The following LARGE1 variants were observed in gnomAD, a reference collection of about 807,000 sequenced individuals.
LARGE1 encodes the protein xylosyl- and glucuronyltransferase LARGE1.
In LARGE1, 43 loss-of-function variants were observed where a neutral mutation model predicts 87.6. The ratio of observed to expected loss-of-function variants is 0.49; its 90% CI spans 0.38 to 0.63. The LOEUF (loss-of-function observed/expected upper bound fraction) is 0.63, where lower values mean the gene tolerates loss of function less well. Among genes scored for constraint, LARGE1 ranks in the 30% least tolerant of loss-of-function variants. The pLI, the probability that LARGE1 is intolerant of heterozygous loss-of-function variation, is 0.00. For synonymous variants in LARGE1, 434 were observed against 394.6 expected, an observed-to-expected ratio of 1.10 and a Z score of -1.18; for missense variants, 802 against 1,000.2, an observed-to-expected ratio of 0.80 and a Z score of 2.67.
chr22:33,443,688 G>T (rs1217136829), intron 6 of LARGE1, among the ~76,000 whole-genome samples: 1 of 152,142 alleles, frequency 6.6e-6, no homozygotes, highest in Non-Finnish European at 1.5e-5. Flanking sequence ...CAACCCCCAA[G>T]ATATCCCCAG....
the LARGE1 span, among the ~76,000 whole-genome samples, chr22:33,151,918 A>G: frequency 6.8e-6 from 1 of 147,586 alleles, no homozygotes; most frequent in African/African-American, 2.5e-5. Flanking sequence ...GTCTGATTTT[A>G]GTATTGGGCA....
the LARGE1 span, among the ~76,000 whole-genome samples, chr22:33,094,800 C>T: frequency 6.6e-6 from 1 of 152,218 alleles, no homozygotes; most frequent in Non-Finnish European, 1.5e-5. Context: ...CTCACTGCAA[C>T]CTCCACCTCC....
chr22:33,517,174 C>T (rs1458877820), intron 6 of LARGE1, among the ~76,000 whole-genome samples: 1 of 152,134 alleles, frequency 6.6e-6, no homozygotes, highest in African/African-American at 2.4e-5. Context: ...CAGAGCTATA[C>T]ACCTGAGCCA....
In LARGE1 at chr22:33,596,029, C is replaced by T. The variant is rs187003587; in HGVS notation, c.615+8406G>A. On this transcript the variant is annotated intron_variant, in intron 5 of 14. Coordinates refer to ENST00000397394, the MANE Select transcript of LARGE1 (RefSeq NM_133642.5). ...ATGATCTCTTATCTCTGGAAGTATT[C>T]AAAAGCAGAAGATTAATGACCATTT... Among the ~76,000 whole-genome samples the T allele has an allele frequency of 6.6e-5, 10 of 152,182 alleles. No individual in the cohort carries two copies. In the East Asian group the frequency reaches 1.4e-3, roughly 21 times the overall value.
At chr22:33,284,718 C>G (rs1487114336) in intron 12 of LARGE1, among the ~76,000 whole-genome samples, 4 of 152,152 alleles carry the variant, frequency 2.6e-5, no homozygotes, top group Non-Finnish European at 5.9e-5. Flanking sequence ...GCTGGGACTA[C>G]AGGCACATGC....
intron 1 of LARGE1, among the ~76,000 whole-genome samples, chr22:33,915,951 G>A (rs574834608): frequency 4.6e-5 from 7 of 152,068 alleles, no homozygotes; most frequent in Non-Finnish European, 1.0e-4. Context: ...CTCATCCCTT[G>A]AACAAGTCTG....
chr22:33,848,731 C>G (rs1408253720), intron 1 of LARGE1, among the ~76,000 whole-genome samples: 2 of 152,150 alleles, frequency 1.3e-5, no homozygotes, highest in Non-Finnish European at 1.5e-5. Context: ...GTTAATTACT[C>G]AAGACAAGAC....
At chr22:33,616,092 AAC>A (rs2079572237) in intron 4 of LARGE1, among the ~76,000 whole-genome samples, 1 of 152,244 alleles carries the variant, frequency 6.6e-6, no homozygotes, top group African/African-American at 2.4e-5. Context: ...TGGTAGGAGA[AAC>A]AGTTTGGCAA....
At chr22:33,649,557 T>C (rs1189374335) in intron 3 of LARGE1, among the ~76,000 whole-genome samples, 1 of 152,240 alleles carries the variant, frequency 6.6e-6, no homozygotes, top group Non-Finnish European at 1.5e-5. Flanking sequence ...TATTATTTCC[T>C]AAAGTTTACT....
intron 11 of LARGE1, among the ~76,000 whole-genome samples, chr22:33,177,879 G>A (rs573553989): frequency 6.6e-6 from 1 of 152,260 alleles, no homozygotes; most frequent in African/African-American, 2.4e-5. Flanking sequence ...ATTCCTTCAT[G>A]CTGTTCTCGT....
At chr22:33,125,666 C>T in the LARGE1 span, among the ~76,000 whole-genome samples, 7 of 152,276 alleles carry the variant, frequency 4.6e-5, no homozygotes, top group East Asian at 1.9e-4. Flanking sequence ...AAGATGATCT[C>T]GATCTCCTGA....
intron 5 of LARGE1, among the ~76,000 whole-genome samples, chr22:33,602,819 G>A (rs116040358): frequency 0.011 from 1,604 of 152,206 alleles, 26 homozygotes; most frequent in African/African-American, 0.037. Context: ...AGCACACTTC[G>A]GTGTCTTCTT....
chr22:33,245,778 G>A (rs1480460469), intron 11 of LARGE1, among the ~76,000 whole-genome samples: 2 of 152,072 alleles, frequency 1.3e-5, no homozygotes, highest in African/African-American at 4.8e-5. Context: ...GCGTGGTGGT[G>A]CATGCCTGTA....
Position 33,432,234 on chromosome 22 carries a change from C to G in LARGE1, c.819G>C (p.Gln273His). 1 of 1,614,194 alleles carries G rather than the reference C, an allele frequency of 6.2e-7. No homozygotes were observed. Among genetic ancestry groups the G allele is most frequent in the Non-Finnish European group, 8.5e-7 (1 of 1,180,020 alleles). ...ACAGGTTTCCAAGGTACCAGTCACT[C>G]TGGTTCTCCACCAAGCCCAGGACTT... ...GQQVLGLVEN[Q>H]SDWYLGNLWK... is the part of the protein sequence containing the mutation. Residue 273 changes from glutamine to histidine, a missense_variant, in exon 7 of 15, where the codon CAG (glutamine) becomes CAC (histidine). Coordinates refer to ENST00000397394, the MANE Select transcript of LARGE1 (RefSeq NM_133642.5).
At chr22:33,620,528 G>T (rs5994780) in intron 4 of LARGE1, among the ~76,000 whole-genome samples, 5 of 152,174 alleles carry the variant, frequency 3.3e-5, no homozygotes, top group African/African-American at 1.2e-4. Flanking sequence ...ACAAACCTTT[G>T]TCATTTATAA....
intron 2 of LARGE1, among the ~76,000 whole-genome samples, chr22:33,721,305 T>C (rs1371938926): frequency 6.6e-6 from 1 of 152,210 alleles, no homozygotes; most frequent in Non-Finnish European, 1.5e-5. Flanking sequence ...CACACATTCC[T>C]TCTGAATGGC....
At chr22:33,782,860 T>C (rs5999097) in intron 1 of LARGE1, among the ~76,000 whole-genome samples, 15 of 134,208 alleles carry the variant, frequency 1.1e-4, no homozygotes, top group African/African-American at 4.1e-4. Context: ...TGAGACTCTG[T>C]CTCCAAAAAA....
intron 13 of LARGE1, among the ~76,000 whole-genome samples, chr22:33,280,695 C>A (rs970942898): frequency 1.3e-5 from 2 of 152,138 alleles, no homozygotes; most frequent in African/African-American, 4.8e-5. Flanking sequence ...TGACCTATTG[C>A]CAAATGCCAG....
the LARGE1 span, among the ~76,000 whole-genome samples, chr22:33,104,163 C>G: frequency 6.6e-6 from 1 of 152,094 alleles, no homozygotes; most frequent in Non-Finnish European, 1.5e-5. Context: ...CTTGTGAGAC[C>G]CTGCAAACAG....
Sources: gnomAD v4.1 joint callset for allele counts (sites outside exome capture counted in the v4.1 genomes callset) on GRCh38, gnomAD v4.1.1 for gene constraint, MANE v1.5 for transcripts, NCBI Gene and HGNC (gene_info 2026-07-23, HGNC 2026-07-21) for gene names.